FBXW8: variants seen among roughly 807,000 people sequenced by gnomAD.
The protein encoded by FBXW8 is F-box/WD repeat-containing protein 8.
Under a neutral mutation model 65.3 loss-of-function variants are expected in FBXW8, and 57 were observed. The ratio of observed to expected loss-of-function variants is 0.87; its 90% CI spans 0.71 to 1.09. FBXW8 has a LOEUF of 1.09. FBXW8 is among the 50% of genes least tolerant of loss of function. FBXW8 has a pLI of 0.00. For missense variants in FBXW8, 777 were observed against 814.8 expected (o/e 0.95, Z 0.57); for synonymous variants, 308 against 330.2 (o/e 0.93, Z 0.73).
At chr12:116,993,420 TAATG>T (rs1329285400) in intron 7 of FBXW8, among the ~76,000 whole-genome samples, 1 of 152,136 alleles carries the variant, frequency 6.6e-6, no homozygotes, top group Non-Finnish European at 1.5e-5. Flanking sequence ...GATTTTTTAA[TAATG>T]GCCTTTCTGG....
chr12:117,027,480 T>C lies in FBXW8; in HGVS notation c.1628T>C (p.Leu543Pro). The stretch of plus-strand genomic sequence containing the variant: ...CAGACGGTAATGCGAAACGCCGACC[T>C]GGACAGCTTCACTACTCACAGGAGG... ...PYQTVMRNAD[L>P]DSFTTHRRHR... Residue 543 changes from leucine (L) to proline (P), a missense_variant, in exon 10 of 11, where the codon CTG becomes CCG. Physicochemically the swap from Leu to Pro is moderately conservative, Grantham distance 98. Transcript: ENST00000652555. 6.2e-7 allele frequency: 1 copy of C among 1,614,088 alleles called. No homozygotes were observed.
At chr12:117,023,296 G>A (rs1381776282) in intron 8 of FBXW8, among the ~76,000 whole-genome samples, 1 of 152,182 alleles carries the variant, frequency 6.6e-6, no homozygotes, top group Non-Finnish European at 1.5e-5. Context: ...CTTGCTAGAT[G>A]CTGGGGTCTT....
chr12:117,010,339 T>G lies in FBXW8; in HGVS notation c.1256T>G (p.Leu419Arg). The change falls in exon 8 of 11, where the codon CTG becomes CGG. Residue 419 changes from leucine to arginine, a missense_variant. Transcript: ENST00000652555. ...CTCTCTCAGATCCTGGTGTATAGCC[T>G]GGAAGCAGGACGCCGCCTCTTGAAG... ...YEGSKILVYS[L>R]EAGRRLLKLG... 1 of 1,614,232 alleles carries G rather than the reference T, an allele frequency of 6.2e-7. No individual in the cohort carries two copies. The highest frequency in any genetic ancestry group is 8.5e-7 in the Non-Finnish European group (1 of 1,180,036).
At chr12:117,012,196 G>T (rs556303877) in intron 8 of FBXW8, among the ~76,000 whole-genome samples, 2 of 152,044 alleles carry the variant, frequency 1.3e-5, no homozygotes, top group African/African-American at 2.4e-5. Context: ...CTGCCAGGGA[G>T]GTGTTCCATG....
chr12:117,021,954 G>C (rs1159725124), intron 8 of FBXW8, among the ~76,000 whole-genome samples: 2 of 152,194 alleles, frequency 1.3e-5, no homozygotes, highest in Non-Finnish European at 2.9e-5. Context: ...TTGCTGTGGA[G>C]TCTGTTCCTG....
intron 1 of FBXW8, among the ~76,000 whole-genome samples, chr12:116,922,790 C>T (rs1565898094): frequency 2.0e-5 from 3 of 151,774 alleles, no homozygotes; most frequent in Admixed American, 6.6e-5. Context: ...GTAATATGAC[C>T]CCTTTGAGTG....
intron 4 of FBXW8, 124 bp downstream of exon 4, chr12:116,949,830 C>T (rs911004192): frequency 4.6e-6 from 4 of 874,380 alleles, no homozygotes; most frequent in Non-Finnish European, 5.7e-6. Flanking sequence ...AGTTACAGCC[C>T]ATGTGGAAGA....
At chr12:117,012,727 C>T (rs901310707) in intron 8 of FBXW8, among the ~76,000 whole-genome samples, 12 of 152,122 alleles carry the variant, frequency 7.9e-5, no homozygotes, top group African/African-American at 2.9e-4. Flanking sequence ...TTGGCTGTCA[C>T]TTACTGACTG....
At chr12:117,015,754 C>T (rs1565943031) in intron 8 of FBXW8, among the ~76,000 whole-genome samples, 1 of 144,324 alleles carries the variant, frequency 6.9e-6, no homozygotes, top group Non-Finnish European at 1.5e-5. Context: ...TAAGTAGGTC[C>T]ACAAGGTTGT....
In FBXW8 at chr12:116,961,142, C is replaced by T. The variant is rs527734230; in HGVS notation, c.678-3555C>T. Among the ~76,000 whole-genome samples the T allele has an allele frequency of 2.0e-5, 3 of 152,192 alleles. No individual in the cohort carries two copies. The highest frequency in any genetic ancestry group is 1.9e-4 in the East Asian group (1 of 5,178). ...TCCCAAGTAGGTGGGATTACAGGCA[C>T]GCACCACCACACCTGGCTAATTTTT... On this transcript the variant is annotated intron_variant, in intron 4 of 10. Transcript: ENST00000652555. The surrounding 1 kb of genome is among the most constrained non-coding windows in gnomAD (Gnocchi z 4.4).
At chr12:116,949,940 A>G (rs1294572551) in intron 4 of FBXW8, 2 of 489,720 alleles carry the variant, frequency 4.1e-6, no homozygotes, top group Non-Finnish European at 7.3e-6. Context: ...TTGTCTCAAT[A>G]TGTCTTTCCC....
At chr12:116,928,002 T>C (rs749554712) in intron 1 of FBXW8, 21 bp from the exon 2 acceptor site, 1 of 1,456,530 alleles carries the variant, frequency 6.9e-7, no homozygotes, top group East Asian at 2.3e-5. Flanking sequence ...ATAAACTTCT[T>C]TCTTTTTTTT....
chr12:117,013,736 TTTTATTTATTTA>T (rs571309697), intron 8 of FBXW8, among the ~76,000 whole-genome samples: 1 of 151,910 alleles, frequency 6.6e-6, no homozygotes, highest in East Asian at 1.9e-4. Context: ...GGTGTTTTCT[TTTTATTTATTTA>T]TTTATTTATT....
chr12:117,009,855 C>A lies in FBXW8; in HGVS notation c.1240-468C>A, dbSNP rs375668889. Among the ~76,000 whole-genome samples the A allele has an allele frequency of 7.4e-4, 112 of 151,996 alleles. 2 individuals carry two copies. The South Asian group carries it at 0.021, about 29-fold the overall frequency. Reference sequence around the variant, plus strand: ...AGGAAGCATCCAGTGGCTATGCAAGCTTCATCTTCCTGGTCCTTGTACTAT... The same window carrying A: ...AGGAAGCATCCAGTGGCTATGCAAGATTCATCTTCCTGGTCCTTGTACTAT... On this transcript the variant is annotated intron_variant, in intron 7 of 10. Transcript: ENST00000652555.
chr12:116,911,054 T>A lies in FBXW8; in HGVS notation c.17T>A (p.Leu6Gln), dbSNP rs774166467. The A allele has an allele frequency of 2.1e-6, 3 of 1,452,400 alleles. No homozygotes were observed. The highest frequency in any genetic ancestry group is 2.7e-6 in the Non-Finnish European group (3 of 1,110,376). 90.0% of individuals were successfully genotyped at this position (1,452,400 alleles called of 1,614,324 possible). The change falls in exon 1 of 11, where the codon CTG becomes CAG. Residue 6 changes from leucine to glutamine, a missense_variant. By Grantham distance (113) the Leu-to-Gln change is moderately radical. Transcript: ENST00000652555. MDDYS[L>Q]DEFRRRWQEE... is the part of the protein sequence containing the mutation. ...GCGGCGAATATGGACGACTACAGCCTGGATGAGTTCCGTCGGCGCTGGCAG... is the reference window on the plus strand; with the variant it reads ...GCGGCGAATATGGACGACTACAGCCAGGATGAGTTCCGTCGGCGCTGGCAG...
rs1296604246 is a variant in FBXW8 at position 117,027,500 on chromosome 12, AG to A, written c.1650del (p.Arg551AspfsTer5). The A allele has an allele frequency of 1.2e-6, 2 of 1,613,094 alleles. No individual in the cohort carries two copies. Among genetic ancestry groups the A allele is most frequent in the Non-Finnish European group, 1.7e-6 (2 of 1,179,202 alleles). On this transcript the variant is annotated frameshift_variant, in exon 10 of 11. Coordinates refer to ENST00000652555, the MANE Select transcript of FBXW8 (RefSeq NM_153348.3). LOFTEE classifies it high-confidence loss of function. ...NADLDSFTTH[R>X]RHRGLIRAYE... ...CGACCTGGACAGCTTCACTACTCAC[AG>A]GAGGTTAGTGGTGGGGCCGGGCGAG...
At chr12:116,986,625 C>CA (rs570226579) in intron 6 of FBXW8, 10,838 of 123,784 alleles carry the variant, frequency 0.088, 980 homozygotes, top group African/African-American at 0.25. Flanking sequence ...GACTCCGTCT[C>CA]AAAAAAAAAA....
chr12:117,010,274 G>A (rs201718282), intron 7 of FBXW8, 49 bp from the exon 8 acceptor site: 30 of 1,612,982 alleles, frequency 1.9e-5, no homozygotes, highest in Admixed American at 1.8e-4. Flanking sequence ...ATTTGATGTC[G>A]GCCTGGTGTG....
At chr12:116,929,990 A>T (rs1881646764) in intron 2 of FBXW8, among the ~76,000 whole-genome samples, 1 of 152,132 alleles carries the variant, frequency 6.6e-6, no homozygotes, top group African/African-American at 2.4e-5. Context: ...AGGTTCATCC[A>T]CCATGTTGTT....
Sources: gnomAD v4.1 joint callset for allele counts (sites outside exome capture counted in the v4.1 genomes callset) on GRCh38, gnomAD v4.1.1 for gene constraint, Gnocchi (gnomAD v3.1) non-coding constraint, MANE v1.5 for transcripts, NCBI Gene and HGNC (gene_info 2026-07-23, HGNC 2026-07-21) for gene names.